The following WWOX variants were observed in gnomAD, a reference collection of about 807,000 sequenced individuals.
The protein encoded by WWOX is WW domain containing oxidoreductase.
A neutral mutation model predicts 46.2 loss-of-function variants in WWOX; 69 were observed. The ratio of observed to expected loss-of-function variants is 1.49; its 90% confidence interval spans 1.23 to 1.82. The LOEUF (loss-of-function observed/expected upper bound fraction) is 1.82, where lower values mean the gene tolerates loss of function less well. Among genes scored for constraint, WWOX ranks in the 40% most tolerant of loss-of-function variants. The pLI is 0.00. For missense variants in WWOX, 919 were observed against 542.6 expected, an observed-to-expected ratio of 1.69 and a Z score of -6.89; for synonymous variants, 359 against 202.6, an observed-to-expected ratio of 1.77 and a Z score of -6.56.
intron 5 of WWOX, among the ~76,000 whole-genome samples, chr16:78,237,132 A>G (rs1349050874): frequency 6.6e-6 from 1 of 151,578 alleles, no homozygotes; most frequent in Non-Finnish European, 1.5e-5. Context: ...GCTCCATGGT[A>G]AATGTTCAGA....
intron 8 of WWOX, among the ~76,000 whole-genome samples, chr16:78,894,835 G>A (rs1020251084): frequency 1.3e-5 from 2 of 152,104 alleles, no homozygotes; most frequent in Non-Finnish European, 2.9e-5. Context: ...TCCACAATGC[G>A]GCTATTATGA....
At chr16:79,082,235 G>A (rs141885849) in intron 8 of WWOX, among the ~76,000 whole-genome samples, 23 of 152,236 alleles carry the variant, frequency 1.5e-4, no homozygotes, top group Middle Eastern at 3.4e-3. Context: ...AATATATGTC[G>A]CCTTGGGAAA....
At chr16:78,851,399 G>A (rs905580375) in intron 8 of WWOX, among the ~76,000 whole-genome samples, 1 of 152,226 alleles carries the variant, frequency 6.6e-6, no homozygotes, top group Non-Finnish European at 1.5e-5. Context: ...ATAGGCAGAA[G>A]TACGGGTACT....
chr16:78,576,773 A>G (rs545614305), intron 8 of WWOX, among the ~76,000 whole-genome samples: 2 of 152,302 alleles, frequency 1.3e-5, no homozygotes, highest in South Asian at 2.1e-4. Flanking sequence ...TCAGACTGCA[A>G]TGAGCTATGA....
intron 8 of WWOX, among the ~76,000 whole-genome samples, chr16:78,620,113 G>C (rs939992051): frequency 1.3e-5 from 2 of 152,152 alleles, no homozygotes; most frequent in African/African-American, 4.8e-5. Context: ...TTGGCACACA[G>C]TTGATGAGGA....
At chr16:78,636,960 G>T (rs568458724) in intron 8 of WWOX, among the ~76,000 whole-genome samples, 7 of 152,258 alleles carry the variant, frequency 4.6e-5, no homozygotes, top group African/African-American at 1.4e-4. Flanking sequence ...GTTTGGACGC[G>T]TTCCCCTTGT....
chr16:78,787,384 C>G (rs779543561), intron 8 of WWOX, among the ~76,000 whole-genome samples: 1 of 152,126 alleles, frequency 6.6e-6, no homozygotes, highest in East Asian at 1.9e-4. Flanking sequence ...ATAGATTTGA[C>G]TATTCTGGAT....
At chr16:78,144,474 T>TATACACAC (rs1567596423) in intron 4 of WWOX, among the ~76,000 whole-genome samples, 1 of 34,472 alleles carries the variant, frequency 2.9e-5, no homozygotes, top group Non-Finnish European at 5.0e-5. Flanking sequence ...CACACATATA[T>TATACACAC]ATATATATAT....
intron 8 of WWOX, chr16:78,825,377 G>A (rs1298377953): frequency 3.8e-6 from 1 of 265,530 alleles, no homozygotes; most frequent in Middle Eastern, 1.7e-3. Flanking sequence ...GGCTAAAGAC[G>A]CTTCTCTGAA....
At chr16:78,288,630 C>T (rs1021224095) in intron 5 of WWOX, among the ~76,000 whole-genome samples, 3 of 152,258 alleles carry the variant, frequency 2.0e-5, no homozygotes, top group Admixed American at 6.5e-5. Context: ...GAGCCTGATA[C>T]ATTTGCAAGG....
intron 8 of WWOX, among the ~76,000 whole-genome samples, chr16:78,515,620 C>G (rs1413959881): frequency 2.0e-5 from 3 of 152,172 alleles, no homozygotes; most frequent in African/African-American, 7.2e-5. Context: ...GGCCGGATGC[C>G]TAGGTGAGAT....
Position 78,850,979 on chromosome 16 carries a change from C to G in WWOX, c.1057-360629C>G, listed in dbSNP as rs145039063. Among the ~76,000 whole-genome samples, 329 of 152,286 alleles carry G rather than the reference C, an allele frequency of 2.2e-3. 2 individuals carry two copies. Among genetic ancestry groups the G allele is most frequent in the African/African-American group, 7.3e-3 (302 of 41,560 alleles). ...ACACCTCTCTCAGTATTCTGGGTCT[C>G]TCTGCATGTAGTGTTTCTTTTGCAG... is the stretch of plus-strand genomic sequence containing the variant. On this transcript the variant is annotated intron_variant, in intron 8 of 8. Coordinates refer to ENST00000566780, the MANE Select transcript of WWOX (RefSeq NM_016373.4).
chr16:78,672,525 G>A (rs2047491768), intron 8 of WWOX, among the ~76,000 whole-genome samples: 1 of 152,144 alleles, frequency 6.6e-6, no homozygotes. Context: ...AGGTCATTAG[G>A]CCCAGAGTCG....
At chr16:78,628,259 C>G (rs1223856354) in intron 8 of WWOX, among the ~76,000 whole-genome samples, 1 of 152,192 alleles carries the variant, frequency 6.6e-6, no homozygotes, top group African/African-American at 2.4e-5. Context: ...TCCCTCATGT[C>G]ACATTGAGTG....
At chr16:78,217,287 C>A (rs187785195) in intron 5 of WWOX, among the ~76,000 whole-genome samples, 1 of 152,178 alleles carries the variant, frequency 6.6e-6, no homozygotes, top group African/African-American at 2.4e-5. Context: ...TTATCAGTTC[C>A]TAGCACCACT....
At chr16:78,872,175 A>G (rs1056673944) in intron 8 of WWOX, among the ~76,000 whole-genome samples, 1 of 152,240 alleles carries the variant, frequency 6.6e-6, no homozygotes, top group Non-Finnish European at 1.5e-5. Flanking sequence ...GACGATGTCT[A>G]ACAGTGCAAC....
At chr16:78,986,281 G>A (rs934169173) in intron 8 of WWOX, among the ~76,000 whole-genome samples, 3 of 152,232 alleles carry the variant, frequency 2.0e-5, no homozygotes, top group African/African-American at 7.2e-5. Flanking sequence ...AGATGCCATA[G>A]GTAGAGGTGC....
chr16:78,865,732 T>C (rs1292557039), intron 8 of WWOX, among the ~76,000 whole-genome samples: 1 of 152,030 alleles, frequency 6.6e-6, no homozygotes, highest in East Asian at 1.9e-4. Flanking sequence ...ATACAAAAAT[T>C]AGCCATGCTT....
rs144518609 is a variant in WWOX, at chr16:78,980,909, C to T, written c.1057-230699C>T. Among the ~76,000 whole-genome samples the T allele has an allele frequency of 4.0e-3, 606 of 152,206 alleles. 1 individual carries two copies. The highest frequency in any genetic ancestry group is 0.014 in the African/African-American group (572 of 41,506). On this transcript the variant is annotated intron_variant, in intron 8 of 8. Coordinates refer to ENST00000566780, the MANE Select transcript of WWOX (RefSeq NM_016373.4). ...GTAAATGTAGAGGTGATGGTATCTCCGTTTTTATTGTCTTCAGAAATGTTG... is the reference window on the plus strand; with the variant it reads ...GTAAATGTAGAGGTGATGGTATCTCTGTTTTTATTGTCTTCAGAAATGTTG...
Sources: allele counts gnomAD v4.1 joint callset (sites outside exome capture counted in the v4.1 genomes callset), GRCh38; gene constraint gnomAD v4.1.1; transcripts MANE v1.5; gene names NCBI Gene and HGNC (gene_info 2026-07-23, HGNC 2026-07-21).